The following SYK variants were observed in gnomAD, a reference collection of about 807,000 sequenced individuals.
SYK encodes the protein tyrosine-protein kinase SYK.
In SYK, 16 loss-of-function variants were observed where a neutral mutation model predicts 77.8. The ratio of observed to expected loss-of-function variants is 0.21; its 90% CI spans 0.14 to 0.31. SYK has a LOEUF of 0.31. Ranked by LOEUF, SYK falls within the 10% of genes least tolerant of loss-of-function variation. The pLI is 1.00. For missense variants in SYK, 529 were observed against 814.4 expected (o/e 0.65, Z 4.26); for synonymous variants, 312 against 308.7 (o/e 1.01, Z -0.11).
In SYK at chr9:90,895,694, C is replaced by G; in HGVS notation, c.*94C>G. ...ATTGATTGTCAGCCACCTCCCTCTG[C>G]CAGTCGGGAGAGCCAGGCTTGGATG... On this transcript the variant is annotated 3_prime_UTR_variant, in exon 14 of 14. Coordinates refer to ENST00000375754, the MANE Select transcript of SYK (RefSeq NM_003177.7). The surrounding 1 kb of genome is among the most constrained non-coding windows in gnomAD (Gnocchi z 4.4). 1 of 1,215,696 alleles carries G rather than the reference C, an allele frequency of 8.2e-7. No homozygotes were observed. The highest frequency in any genetic ancestry group is 1.2e-6 in the Non-Finnish European group (1 of 833,690). The allele number at this position is 1,215,696 out of a possible 1,614,324, so 75.3% of individuals were successfully genotyped here. A position where few individuals can be genotyped will look rare whatever the true frequency, so the allele number is the denominator to read the frequency against.
intron 3 of SYK, among the ~76,000 whole-genome samples, chr9:90,859,051 C>A (rs1386719073): frequency 6.6e-6 from 1 of 152,194 alleles, no homozygotes; most frequent in Admixed American, 6.5e-5. Context: ...CCTCCTGGTA[C>A]CAGCTCTCTT....
chr9:90,873,902 GGGGTGAGT>G (rs1235599538), intron 7 of SYK, among the ~76,000 whole-genome samples: 2 of 152,146 alleles, frequency 1.3e-5, no homozygotes, highest in Non-Finnish European at 1.5e-5. Context: ...GATGTGCAAG[GGGGTGAGT>G]GGGGAAGCAG....
At chr9:90,887,980 T>G (rs1587924175) in intron 12 of SYK, 91 bp downstream of exon 12, 1 of 1,442,114 alleles carries the variant, frequency 6.9e-7, no homozygotes, top group East Asian at 2.5e-5. Flanking sequence ...AATCCTAATC[T>G]GAGTCTCTCA....
Position 90,843,859 on chromosome 9 carries a change from T to G in SYK, c.-40T>G. On this transcript the variant is annotated splice_region_variant and 5_prime_UTR_variant, in exon 2 of 14. Coordinates refer to ENST00000375754, the MANE Select transcript of SYK (RefSeq NM_003177.7). Reference sequence around the variant, plus strand: ...GTTCTCTGTCTCTGTCTTGCCCAGGTGGACACCTGCGCAGGTGTGTGCCCT... The same window carrying G: ...GTTCTCTGTCTCTGTCTTGCCCAGGGGGACACCTGCGCAGGTGTGTGCCCT... The G allele has an allele frequency of 7.0e-7, 1 of 1,437,476 alleles. No homozygotes were observed. The highest frequency in any genetic ancestry group is 1.4e-5 in the African/African-American group (1 of 69,904). The allele number at this position is 1,437,476 out of a possible 1,614,324, so 89.0% of individuals were successfully genotyped here. A position where few individuals can be genotyped will look rare whatever the true frequency, so the allele number is the denominator to read the frequency against.
At chr9:90,821,151 A>T (rs886870139) in intron 1 of SYK, among the ~76,000 whole-genome samples, 1 of 152,192 alleles carries the variant, frequency 6.6e-6, no homozygotes, top group African/African-American at 2.4e-5. Flanking sequence ...AAACCATTCA[A>T]CAAGTCTCTA....
At chr9:90,874,124 A>G in intron 7 of SYK, 80 bp from the exon 8 acceptor site, 3 of 1,135,834 alleles carry the variant, frequency 2.6e-6, no homozygotes, top group Non-Finnish European at 3.9e-6. Context: ...TGATTATTGG[A>G]AAATAAAAAT....
intron 1 of SYK, among the ~76,000 whole-genome samples, chr9:90,829,771 T>G (rs1178610942): frequency 6.6e-6 from 1 of 152,210 alleles, no homozygotes; most frequent in Non-Finnish European, 1.5e-5. Flanking sequence ...GATGGGCTGG[T>G]TGTTTATTTA....
rs201054834 is a variant in SYK at position 90,896,136 on chromosome 9, T to C, written c.*536T>C. On this transcript the variant is annotated 3_prime_UTR_variant, in exon 14 of 14. Coordinates refer to ENST00000375754, the MANE Select transcript of SYK (RefSeq NM_003177.7). ...CTGACAATAAAAATGTTTTGAGGCT[T>C]TAAAAAGAAAATCAAGTTTGACCAG... 1 of 233,002 alleles carries C rather than the reference T, an allele frequency of 4.3e-6. No individual in the cohort carries two copies. Among genetic ancestry groups the C allele is most frequent in the Non-Finnish European group, 8.5e-6 (1 of 118,098 alleles). 14.4% of individuals were successfully genotyped at this position (233,002 alleles called of 1,614,324 possible). A position where few individuals can be genotyped will look rare whatever the true frequency, so the allele number is the denominator to read the frequency against.
Position 90,874,889 on chromosome 9 carries a change from C to T in SYK, c.1181+40C>T, listed in dbSNP as rs200124559. ...TCCACCAGCCTCACCCTCACATGAG[C>T]TCAGGTTCTAGACATGACTGAGAAT... On this transcript the variant is annotated intron_variant, in intron 9 of 13. Transcript: ENST00000375754. 84 of 1,609,250 alleles carry T rather than the reference C, an allele frequency of 5.2e-5. 2 individuals carry two copies. In the African/African-American group the frequency reaches 8.8e-4, roughly 17 times the overall value.
intron 4 of SYK, among the ~76,000 whole-genome samples, chr9:90,863,463 C>T (rs1572104): frequency 6.6e-6 from 1 of 151,840 alleles, no homozygotes; most frequent in South Asian, 2.1e-4. Context: ...AGCACTTAAA[C>T]TTACTACTTC....
At chr9:90,891,065 G>C (rs568011395) in intron 13 of SYK, among the ~76,000 whole-genome samples, 90 of 151,542 alleles carry the variant, frequency 5.9e-4, no homozygotes, top group South Asian at 1.2e-3. Flanking sequence ...TACATAACAC[G>C]AAAAGAAACT....
chr9:90,886,793 C>A (rs767759751), intron 11 of SYK, among the ~76,000 whole-genome samples: 3 of 152,156 alleles, frequency 2.0e-5, no homozygotes, highest in Non-Finnish European at 4.4e-5. Context: ...TATCCAGAGG[C>A]AAATAAACTT....
chr9:90,873,891 G>T (rs984749042), intron 7 of SYK, among the ~76,000 whole-genome samples: 12 of 152,208 alleles, frequency 7.9e-5, no homozygotes, highest in Non-Finnish European at 1.5e-4. Context: ...GGTGGGAATA[G>T]GATGTGCAAG....
intron 1 of SYK, among the ~76,000 whole-genome samples, chr9:90,803,937 G>A (rs1824716162): frequency 6.6e-6 from 1 of 151,756 alleles, no homozygotes; most frequent in Non-Finnish European, 1.5e-5. Context: ...CTCACTAAGT[G>A]GAATAAATAA....
intron 1 of SYK, among the ~76,000 whole-genome samples, chr9:90,825,851 G>A (rs1215112118): frequency 3.9e-5 from 6 of 152,232 alleles, no homozygotes; most frequent in Admixed American, 3.9e-4. Context: ...ACTTTCAGCA[G>A]TGTAGAGAAG....
At chr9:90,865,212 C>T (rs1366824596) in intron 6 of SYK, 115 bp downstream of exon 6, 2 of 1,044,920 alleles carry the variant, frequency 1.9e-6, no homozygotes, top group Non-Finnish European at 1.5e-6. Flanking sequence ...CGCTTCAAAA[C>T]ATACTCCGTG....
Position 90,895,175 on chromosome 9 carries a change from C to T in SYK, c.1836-353C>T, listed in dbSNP as rs1317612741. Among the ~76,000 whole-genome samples the T allele has an allele frequency of 6.6e-6, 1 of 152,226 alleles. No homozygotes were observed. Among genetic ancestry groups the T allele is most frequent in the Non-Finnish European group, 1.5e-5 (1 of 68,042 alleles). On this transcript the variant is annotated intron_variant, in intron 13 of 13. Transcript: ENST00000375754. The surrounding 1 kb of genome is among the most constrained non-coding windows in gnomAD (Gnocchi z 4.4). ...TAAAATCACAGAGTGACAGCCTCTT[C>T]GTGTTGCCTGTGGCACAGAAGCATA...
At chr9:90,825,207 T>C (rs1363292461) in intron 1 of SYK, among the ~76,000 whole-genome samples, 1 of 151,590 alleles carries the variant, frequency 6.6e-6, no homozygotes, top group Non-Finnish European at 1.5e-5. Flanking sequence ...AAAATAATGA[T>C]GGAAGAATCA....
intron 3 of SYK, among the ~76,000 whole-genome samples, chr9:90,852,902 A>G (rs950592931): frequency 2.0e-5 from 3 of 152,230 alleles, no homozygotes; most frequent in African/African-American, 7.2e-5. Context: ...CAGGGGGAAG[A>G]TGACAAACGC....
Sources: allele counts gnomAD v4.1 joint callset (sites outside exome capture counted in the v4.1 genomes callset), GRCh38; gene constraint gnomAD v4.1.1; non-coding constraint Gnocchi (gnomAD v3.1); transcripts MANE v1.5; gene names NCBI Gene and HGNC (gene_info 2026-07-23, HGNC 2026-07-21).